Variants in CASC3 observed in about 807,000 individuals in gnomAD.
CASC3 encodes CASC3 exon junction complex subunit.
In CASC3, 30 loss-of-function variants were observed where a neutral mutation model predicts 80.5. The observed-to-expected ratio is 0.37, with a 90% CI of 0.28 to 0.51. The LOEUF (loss-of-function observed/expected upper bound fraction) is 0.51, where lower values mean the gene tolerates loss of function less well. CASC3 is among the 20% of genes least tolerant of loss of function. CASC3 has a pLI of 0.94. For synonymous variants in CASC3, 312 were observed against 333.6 expected, an observed-to-expected ratio of 0.94 and a Z score of 0.70; for missense variants, 824 against 922.2, an observed-to-expected ratio of 0.89 and a Z score of 1.38.
Position 40,164,020 on chromosome 17 carries a change from C to G in CASC3, c.1325C>G (p.Pro442Arg). Residue 442 changes from proline (P) to arginine (R), a missense_variant, in exon 7 of 14, where the codon CCA becomes CGA. Physicochemically the swap from Pro to Arg is moderately radical, Grantham distance 103 (BLOSUM62 -2). Transcript: ENST00000264645. Reference sequence around the variant, plus strand: ...GCACCTCCAGTCCCAGAAACCACCCCAACTCCACCTACTAAGACTGGGACC... The same window carrying G: ...GCACCTCCAGTCCCAGAAACCACCCGAACTCCACCTACTAAGACTGGGACC... ...IPAPPVPETT[P>R]TPPTKTGTWE... The G allele has an allele frequency of 6.2e-7, 1 of 1,614,048 alleles. No individual in the cohort carries two copies.
chr17:40,152,068 T>A (rs1598423940), intron 3 of CASC3, among the ~76,000 whole-genome samples: 1 of 152,226 alleles, frequency 6.6e-6, no homozygotes, highest in Admixed American at 6.5e-5. Context: ...TTAACCTTTT[T>A]GTATGTGTGT....
chr17:40,141,280 A>G, intron 2 of CASC3, 46 bp downstream of exon 2: 1 of 1,531,616 alleles, frequency 6.5e-7, no homozygotes, highest in Non-Finnish European at 9.0e-7. Flanking sequence ...TTTTTTTAAC[A>G]TAAACTCAGG....
chr17:40,152,581 A>G (rs899832680), intron 3 of CASC3, among the ~76,000 whole-genome samples: 1 of 152,074 alleles, frequency 6.6e-6, no homozygotes, highest in Non-Finnish European at 1.5e-5. Flanking sequence ...CAGCCTCTCA[A>G]AGTGCTGGGA....
At position 40,171,522 on chromosome 17, in the gene CASC3, T is replaced by C; in HGVS notation, c.*1117T>C. 3.0e-6 allele frequency: 3 copies of C among 989,412 alleles called. No homozygotes were observed. Among genetic ancestry groups the C allele is most frequent in the Non-Finnish European group, 3.6e-6 (3 of 831,968 alleles). The allele number at this position is 989,412 out of a possible 1,614,324, so 61.3% of individuals were successfully genotyped here. A position where few individuals can be genotyped will look rare whatever the true frequency, so the allele number is the denominator to read the frequency against. On this transcript the variant is annotated 3_prime_UTR_variant, in exon 14 of 14. Coordinates refer to ENST00000264645, the MANE Select transcript of CASC3 (RefSeq NM_007359.5). ...CTGCTACAAGTGTTTTAGATGTTACTACCTTATTTTCCCCGAATTCTATTT... is the reference window on the plus strand; with the variant it reads ...CTGCTACAAGTGTTTTAGATGTTACCACCTTATTTTCCCCGAATTCTATTT...
chr17:40,141,629 C>G, intron 3 of CASC3, 22 bp downstream of exon 3: 1 of 1,597,696 alleles, frequency 6.3e-7, no homozygotes, highest in Non-Finnish European at 8.6e-7. Flanking sequence ...AGGTTTTTTC[C>G]TATGGTATAG....
intron 3 of CASC3, among the ~76,000 whole-genome samples, chr17:40,154,073 T>C (rs565942355): frequency 2.7e-4 from 41 of 151,312 alleles, no homozygotes; most frequent in African/African-American, 9.9e-4. Flanking sequence ...TCATTCTGAT[T>C]TGCATTTCCC....
chr17:40,141,002 G>T (rs1300214310), intron 1 of CASC3: 1 of 633,640 alleles, frequency 1.6e-6, no homozygotes, highest in Non-Finnish European at 2.7e-6. Flanking sequence ...GCTGGAGATG[G>T]AAAGCGGATG....
Position 40,168,359 on chromosome 17 carries a change from C to T in CASC3, c.1907C>T (p.Pro636Leu). ...ATGAACTTTGGTAATCCCAGTTACC[C>T]TTATGCTCCAGGGGCACTGCCTCCC... ...GVMNFGNPSY[P>L]YAPGALPPPP... Residue 636 changes from proline to leucine, a missense_variant, in exon 11 of 14, where the codon CCT becomes CTT. Transcript: ENST00000264645. 6.2e-7 allele frequency: 1 copy of T among 1,614,088 alleles called. No homozygotes were observed. The highest frequency in any genetic ancestry group is 8.5e-7 in the Non-Finnish European group (1 of 1,180,016).
chr17:40,157,516 A>G (rs556440514), intron 3 of CASC3, among the ~76,000 whole-genome samples: 2 of 151,836 alleles, frequency 1.3e-5, no homozygotes, highest in Non-Finnish European at 2.9e-5. Context: ...TCTCTACTAA[A>G]AGTACGAAAA....
At position 40,162,883 on chromosome 17, in the gene CASC3, G is replaced by A. The variant is rs1469482110; in HGVS notation, c.767G>A (p.Arg256Gln). The A allele has an allele frequency of 1.9e-6, 3 of 1,613,652 alleles. No homozygotes were observed. The highest frequency in any genetic ancestry group is 2.2e-5 in the East Asian group (1 of 44,858). The change falls in exon 6 of 14, where the codon CGA (arginine) becomes CAA (glutamine). Residue 256 changes from arginine (R) to glutamine (Q), a missense_variant. This residue lies in a region of CASC3 where 201 missense variants were observed against 294.1 expected (regional missense o/e 0.68). Transcript: ENST00000264645. Reference sequence around the variant, plus strand: ...CATAATCCTGATGACATCAAACCTCGAAGAATCCGGAAACCCCGGTGAGGA... The same window carrying A: ...CATAATCCTGATGACATCAAACCTCAAAGAATCCGGAAACCCCGGTGAGGA... ...SAHNPDDIKP[R>Q]RIRKPRYGSP... is the part of the protein sequence containing the mutation.
At chr17:40,141,144 C>CT in intron 1 of CASC3, 63 bp from the exon 2 acceptor site, 1 of 1,484,006 alleles carries the variant, frequency 6.7e-7, no homozygotes, top group Non-Finnish European at 9.4e-7. Flanking sequence ...ACCCACATTT[C>CT]TTTATTGGGC....
intron 6 of CASC3, among the ~76,000 whole-genome samples, chr17:40,163,117 A>G (rs1309111272): frequency 6.6e-6 from 1 of 151,984 alleles, no homozygotes. Context: ...TCTTTTAGAA[A>G]GAATTCTCTT....
intron 1 of CASC3, 171 bp from the exon 2 acceptor site, chr17:40,141,036 A>T: frequency 1.5e-6 from 1 of 677,208 alleles, no homozygotes; most frequent in Non-Finnish European, 2.6e-6. Context: ...TCGGGGCTGG[A>T]GGGAAGGAGA....
chr17:40,151,694 CAAAAAAAAAAA>C (rs1010260103), intron 3 of CASC3, among the ~76,000 whole-genome samples: 2 of 53,098 alleles, frequency 3.8e-5, no homozygotes, highest in Non-Finnish European at 8.0e-5. Context: ...ACCTTCATCT[CAAAAAAAAAAA>C]AAAAAAAAAG....
chr17:40,142,434 T>G (rs1192615796), intron 3 of CASC3, among the ~76,000 whole-genome samples: 1 of 152,170 alleles, frequency 6.6e-6, no homozygotes, highest in African/African-American at 2.4e-5. Flanking sequence ...ATTAAACAGT[T>G]GGCTGGGTAA....
chr17:40,158,784 T>G (rs546387318), intron 3 of CASC3, among the ~76,000 whole-genome samples: 16 of 152,226 alleles, frequency 1.1e-4, no homozygotes, highest in African/African-American at 3.9e-4. Context: ...TCCTTTAAGG[T>G]TTTTTAGGTC....
intron 3 of CASC3, among the ~76,000 whole-genome samples, chr17:40,159,544 G>GTTTTTT (rs368113645): frequency 2.3e-4 from 26 of 112,834 alleles, no homozygotes; most frequent in Non-Finnish European, 3.9e-4. Flanking sequence ...TTCATTGTGT[G>GTTTTTT]TTTTTTTTTT....
intron 3 of CASC3, among the ~76,000 whole-genome samples, chr17:40,159,031 T>C (rs1343126218): frequency 6.6e-6 from 1 of 151,992 alleles, no homozygotes; most frequent in African/African-American, 2.4e-5. Context: ...AGCTCAGAAG[T>C]TTCAGACCAG....
intron 3 of CASC3, among the ~76,000 whole-genome samples, chr17:40,143,078 C>A: frequency 6.7e-6 from 1 of 148,276 alleles, no homozygotes; most frequent in Non-Finnish European, 1.5e-5. Context: ...CAGAGTGAGA[C>A]TCTGTCTCAA....
Sources: gnomAD v4.1 joint callset for allele counts (sites outside exome capture counted in the v4.1 genomes callset) on GRCh38, gnomAD v4.1.1 for gene constraint, gnomAD v4.1.1 regional missense constraint, MANE v1.5 for transcripts, NCBI Gene and HGNC (gene_info 2026-07-23, HGNC 2026-07-21) for gene names.